Variants in NAALADL2 observed in about 807,000 individuals in gnomAD.
NAALADL2 encodes the protein N-acetylated alpha-linked acidic dipeptidase like 2, also known as inactive N-acetylated-alpha-linked acidic dipeptidase-like protein 2.
In NAALADL2, 76 loss-of-function variants were observed where a neutral mutation model predicts 87.2. That is an observed-to-expected ratio of 0.87 (90% CI 0.72 to 1.05). The LOEUF (loss-of-function observed/expected upper bound fraction) is 1.05. Among genes scored for constraint, NAALADL2 ranks in the 50% least tolerant of loss-of-function variants. The pLI is 0.00. For synonymous variants in NAALADL2, 354 were observed against 331.0 expected, an observed-to-expected ratio of 1.07 and a Z score of -0.75; for missense variants, 1,089 against 945.8, an observed-to-expected ratio of 1.15 and a Z score of -1.99.
At chr3:175,435,851 C>CT (rs35378819) in intron 5 of NAALADL2, among the ~76,000 whole-genome samples, 95,856 of 144,758 alleles carry the variant, frequency 0.66, 31,612 homozygotes, top group East Asian at 0.78. Flanking sequence ...CTGTGTAGTA[C>CT]TTTTTTTTTT....
At chr3:175,131,589 G>A (rs551050075) in intron 2 of NAALADL2, among the ~76,000 whole-genome samples, 5 of 152,222 alleles carry the variant, frequency 3.3e-5, no homozygotes, top group South Asian at 2.1e-4. Context: ...TCTTTTCCCC[G>A]CCTTTCCCCG....
intron 3 of NAALADL2, among the ~76,000 whole-genome samples, chr3:175,241,981 C>T (rs1020864159): frequency 4.0e-5 from 6 of 149,494 alleles, no homozygotes; most frequent in African/African-American, 1.5e-4. Context: ...CTTGCCTCAG[C>T]CTCCCAAGTA....
intron 3 of NAALADL2, among the ~76,000 whole-genome samples, chr3:174,761,387 T>A (rs1001739878): frequency 6.6e-6 from 1 of 152,142 alleles, no homozygotes; most frequent in Non-Finnish European, 1.5e-5. Flanking sequence ...GTCTTAAGTG[T>A]AAAATAAAAT....
chr3:175,527,924 A>G (rs994158315), intron 9 of NAALADL2, among the ~76,000 whole-genome samples: 2 of 152,120 alleles, frequency 1.3e-5, no homozygotes, highest in South Asian at 4.1e-4. Context: ...ACTTACCATG[A>G]TCTCATGGTC....
chr3:175,276,405 T>G (rs1284016560), intron 4 of NAALADL2, among the ~76,000 whole-genome samples: 1 of 151,430 alleles, frequency 6.6e-6, no homozygotes, highest in Non-Finnish European at 1.5e-5. Context: ...GTTCAAACGA[T>G]TCTCTTGCCT....
chr3:175,138,247 G>T (rs1729425757), intron 2 of NAALADL2, among the ~76,000 whole-genome samples: 1 of 152,188 alleles, frequency 6.6e-6, no homozygotes, highest in South Asian at 2.1e-4. Context: ...TGAATACAGA[G>T]ATATGTAGAC....
At chr3:174,802,724 C>T (rs184108025) in intron 3 of NAALADL2, among the ~76,000 whole-genome samples, 2 of 152,162 alleles carry the variant, frequency 1.3e-5, no homozygotes, top group East Asian at 3.8e-4. Flanking sequence ...TGAGTGAGAA[C>T]ATGCAGTGTT....
chr3:175,091,963 T>C (rs1194769634), intron 1 of NAALADL2, among the ~76,000 whole-genome samples: 1 of 151,942 alleles, frequency 6.6e-6, no homozygotes, highest in African/African-American at 2.4e-5. Flanking sequence ...TAGGTTAATT[T>C]AGTTAACCAT....
intron 1 of NAALADL2, among the ~76,000 whole-genome samples, chr3:175,073,693 C>G (rs536578237): frequency 2.8e-4 from 42 of 152,076 alleles, no homozygotes; most frequent in African/African-American, 9.9e-4. Context: ...TTTGCAACAT[C>G]CTTTGACCTA....
intron 3 of NAALADL2, among the ~76,000 whole-genome samples, chr3:174,807,517 T>C (rs1719644993): frequency 6.6e-6 from 1 of 152,172 alleles, no homozygotes; most frequent in Non-Finnish European, 1.5e-5. Context: ...GTACACATTT[T>C]TCTTTTGTAA....
chr3:175,043,097 A>C lies in NAALADL2; in HGVS notation c.44-53693A>C, dbSNP rs1580161819. ...CATTAACTTTCCAACCATCAGAATC[A>C]GAAGGCCAATAAAACTTTTTTATTC... On this transcript the variant is annotated intron_variant, in intron 1 of 13. Transcript: ENST00000454872. Among the ~76,000 whole-genome samples the C allele has an allele frequency of 2.0e-5, 3 of 152,200 alleles. No individual in the cohort carries two copies. In the East Asian group the frequency reaches 5.8e-4, roughly 29 times the overall value.
intron 1 of NAALADL2, among the ~76,000 whole-genome samples, chr3:175,010,523 T>C (rs1474867877): frequency 1.3e-5 from 2 of 152,186 alleles, no homozygotes; most frequent in Admixed American, 6.6e-5. Context: ...ATAACTTTGT[T>C]AAGTGGTCTA....
chr3:175,093,030 A>C, intron 1 of NAALADL2, among the ~76,000 whole-genome samples: 1 of 151,886 alleles, frequency 6.6e-6, no homozygotes, highest in East Asian at 1.9e-4. Flanking sequence ...TCTTTTAGAT[A>C]ATTATTCATG....
At chr3:174,628,030 T>C (rs147652351) in intron 2 of NAALADL2, among the ~76,000 whole-genome samples, 2 of 152,322 alleles carry the variant, frequency 1.3e-5, no homozygotes, top group East Asian at 3.9e-4. Context: ...AAGCCCAGAC[T>C]TCACCATTGT....
At chr3:175,571,324 G>C (rs984858695) in intron 9 of NAALADL2, among the ~76,000 whole-genome samples, 1 of 152,032 alleles carries the variant, frequency 6.6e-6, no homozygotes, top group East Asian at 1.9e-4. Context: ...ACTTGCCCCT[G>C]TTATGAACTG....
chr3:174,563,538 G>A (rs1372586101), intron 2 of NAALADL2, among the ~76,000 whole-genome samples: 3 of 150,172 alleles, frequency 2.0e-5, no homozygotes, highest in Non-Finnish European at 4.4e-5. Context: ...GACTAATATA[G>A]CATTTAAACT....
intron 2 of NAALADL2, among the ~76,000 whole-genome samples, chr3:174,695,602 T>C (rs1578575404): frequency 6.6e-6 from 1 of 152,052 alleles, no homozygotes; most frequent in Non-Finnish European, 1.5e-5. Context: ...CATAAGCTTA[T>C]ATTAAAGAGT....
intron 5 of NAALADL2, among the ~76,000 whole-genome samples, chr3:175,413,467 G>A (rs1445824916): frequency 1.3e-5 from 2 of 151,124 alleles, no homozygotes; most frequent in Non-Finnish European, 2.9e-5. Context: ...CTACTCGGGA[G>A]GCTGAGGCAG....
chr3:174,993,881 G>A (rs959948095), intron 1 of NAALADL2, among the ~76,000 whole-genome samples: 2 of 152,160 alleles, frequency 1.3e-5, no homozygotes, highest in Non-Finnish European at 2.9e-5. Context: ...TTAACTTGCA[G>A]TGTTACCTGC....
Sources: allele counts gnomAD v4.1 joint callset (sites outside exome capture counted in the v4.1 genomes callset), GRCh38; gene constraint gnomAD v4.1.1; transcripts MANE v1.5; gene names NCBI Gene and HGNC (gene_info 2026-07-23, HGNC 2026-07-21).